Variants in FGFR2 observed in about 807,000 individuals in gnomAD.
The protein encoded by FGFR2 is fibroblast growth factor receptor 2, also known as BEK fibroblast growth factor receptor.
FGFR2 carries 19 observed loss-of-function variants against 95.9 expected under a neutral mutation model. The observed-to-expected ratio is 0.20, with a 90% confidence interval of 0.14 to 0.29. FGFR2 has a LOEUF of 0.29. FGFR2 is among the 10% of genes least tolerant of loss of function. FGFR2 has a pLI of 1.00. For missense variants in FGFR2, 707 were observed against 1,056.9 expected (o/e 0.67, Z 4.59); for synonymous variants, 392 against 393.3 (o/e 1.00, Z 0.04).
Position 121,483,687 on chromosome 10 carries a change from G to A in FGFR2, c.2301+11C>T, listed in dbSNP as rs765951636. 3 of 1,600,078 alleles carry A rather than the reference G, an allele frequency of 1.9e-6. No individual in the cohort carries two copies. Among genetic ancestry groups the A allele is most frequent in the Non-Finnish European group, 2.6e-6 (3 of 1,167,858 alleles). ...ACCAAGGACAAGGGGCTTCTAGAAGGAAGTTCTTACCTCATTGGTTGTGAG... is the reference window on the plus strand; with the variant it reads ...ACCAAGGACAAGGGGCTTCTAGAAGAAAGTTCTTACCTCATTGGTTGTGAG... On this transcript the variant is annotated intron_variant, in intron 17 of 17. Transcript: ENST00000358487.
At chr10:121,502,697 C>T (rs1363269966) in intron 10 of FGFR2, among the ~76,000 whole-genome samples, 1 of 152,176 alleles carries the variant, frequency 6.6e-6, no homozygotes, top group Non-Finnish European at 1.5e-5. Context: ...TCAAGGCAAA[C>T]AGGGTAGCTG....
chr10:121,511,566 G>A (rs897979229), intron 9 of FGFR2, among the ~76,000 whole-genome samples: 25 of 152,170 alleles, frequency 1.6e-4, no homozygotes, highest in Admixed American at 3.3e-4. Context: ...GAACCAACAC[G>A]CTCACAAAGA....
In FGFR2 at chr10:121,526,959, G is replaced by A. The variant is rs545821688; in HGVS notation, c.749-6790C>T. On this transcript the variant is annotated intron_variant, in intron 6 of 17. Transcript: ENST00000358487. Reference sequence around the variant, plus strand: ...TCTTTGCAGAGAGAGTGAAGTCTGCGGAACAAACTTGTTTGGGTAAAAATG... The same window carrying A: ...TCTTTGCAGAGAGAGTGAAGTCTGCAGAACAAACTTGTTTGGGTAAAAATG... The A allele has an allele frequency of 1.5e-4, 58 of 389,942 alleles. 1 individual carries two copies. Among genetic ancestry groups the A allele is most frequent in the African/African-American group, 1.4e-4 (7 of 48,618 alleles). 24.2% of individuals were successfully genotyped at this position (389,942 alleles called of 1,614,324 possible).
At chr10:121,540,300 G>A (rs769565003) in intron 5 of FGFR2, among the ~76,000 whole-genome samples, 4 of 152,164 alleles carry the variant, frequency 2.6e-5, no homozygotes, top group Non-Finnish European at 5.9e-5. Context: ...GCATCTGATC[G>A]ACAGTGGAGA....
Position 121,549,663 on chromosome 10 carries a change from T to G in FGFR2, c.624+1627A>C, listed in dbSNP as rs549483846. On this transcript the variant is annotated intron_variant, in intron 5 of 17. Coordinates refer to ENST00000358487, the MANE Select transcript of FGFR2 (RefSeq NM_000141.5). The stretch of plus-strand genomic sequence containing the variant: ...CTGGCTCCTCCTTTGCTCAACCTGA[T>G]GACAGCAGCTGCCCTATGAAGAGGC... Among the ~76,000 whole-genome samples the G allele has an allele frequency of 2.0e-5, 3 of 152,294 alleles. No individual in the cohort carries two copies. In the East Asian group the frequency reaches 5.8e-4, roughly 29 times the overall value.
intron 13 of FGFR2, among the ~76,000 whole-genome samples, chr10:121,489,206 G>A (rs1056551902): frequency 6.6e-6 from 1 of 152,096 alleles, no homozygotes; most frequent in Non-Finnish European, 1.5e-5. Flanking sequence ...CCGAGTAGCT[G>A]AGACTACAGG....
intron 4 of FGFR2, among the ~76,000 whole-genome samples, chr10:121,562,465 A>G (rs117490898): frequency 0.014 from 2,179 of 152,146 alleles, 61 homozygotes; most frequent in East Asian, 0.072. Flanking sequence ...ATGTATTTTT[A>G]GCAGAGACAG....
chr10:121,519,400 G>T (rs2981451), intron 7 of FGFR2, among the ~76,000 whole-genome samples: 55,643 of 152,068 alleles, frequency 0.37, 11,642 homozygotes, highest in Middle Eastern at 0.52. Context: ...CACTGGTGCA[G>T]AAATATGACC....
At chr10:121,588,471 G>A (rs1289452918) in intron 2 of FGFR2, among the ~76,000 whole-genome samples, 1 of 152,114 alleles carries the variant, frequency 6.6e-6, no homozygotes, top group African/African-American at 2.4e-5. Context: ...GGCAAGTCAG[G>A]GAGGAAGATG....
At chr10:121,510,592 G>A (rs781010075) in intron 9 of FGFR2, among the ~76,000 whole-genome samples, 1 of 151,938 alleles carries the variant, frequency 6.6e-6, no homozygotes, top group Admixed American at 6.6e-5. Flanking sequence ...CCCCCTTCCC[G>A]GAATTTGGCA....
At chr10:121,566,526 C>T (rs1857696487) in intron 2 of FGFR2, among the ~76,000 whole-genome samples, 2 of 152,280 alleles carry the variant, frequency 1.3e-5, no homozygotes, top group South Asian at 2.1e-4. Context: ...ATGTCCCAGG[C>T]TTCTTCTGTA....
chr10:121,483,908 C>T (rs1845083423), intron 16 of FGFR2, 105 bp from the exon 17 acceptor site: 12 of 814,524 alleles, frequency 1.5e-5, no homozygotes, highest in Non-Finnish European at 2.5e-5. Context: ...TAGGAAAATG[C>T]ATCAGAACCT....
intron 6 of FGFR2, among the ~76,000 whole-genome samples, chr10:121,537,737 G>A (rs1853066123): frequency 2.0e-5 from 3 of 152,124 alleles, no homozygotes. Context: ...GGCTCAAGGT[G>A]GCAGGTTGAA....
At chr10:121,509,718 G>A (rs1848808365) in intron 9 of FGFR2, among the ~76,000 whole-genome samples, 1 of 151,712 alleles carries the variant, frequency 6.6e-6, no homozygotes, top group South Asian at 2.1e-4. Flanking sequence ...CCTGACCTCA[G>A]GTGATCCACC....
At chr10:121,589,741 A>G (rs1031492061) in intron 2 of FGFR2, among the ~76,000 whole-genome samples, 4 of 152,228 alleles carry the variant, frequency 2.6e-5, no homozygotes, top group African/African-American at 9.6e-5. Flanking sequence ...TGTGTACTTC[A>G]TTGTGTATTT....
At chr10:121,561,412 G>A (rs1482941405) in intron 4 of FGFR2, among the ~76,000 whole-genome samples, 2 of 120,794 alleles carry the variant, frequency 1.7e-5, no homozygotes, top group South Asian at 2.6e-4. Flanking sequence ...CAACAAGAGC[G>A]AAACTCCCAT....
At chr10:121,487,058 G>A (rs559557909) in intron 15 of FGFR2, among the ~76,000 whole-genome samples, 6 of 152,322 alleles carry the variant, frequency 3.9e-5, no homozygotes, top group African/African-American at 1.4e-4. Flanking sequence ...AGAGCTTGGC[G>A]AATTAGATAA....
chr10:121,483,813 A>G lies in FGFR2; in HGVS notation c.2196-10T>C. The G allele has an allele frequency of 6.2e-7, 1 of 1,604,394 alleles. No individual in the cohort carries two copies. Among genetic ancestry groups the G allele is most frequent in the Non-Finnish European group, 8.5e-7 (1 of 1,172,224 alleles). On this transcript the variant is annotated splice_polypyrimidine_tract_variant and intron_variant, in intron 16 of 17. Transcript: ENST00000358487. ...CCTCATCATCATGTACCTGGGAAAA[A>G]TGGATTTCCTTGAATTAATTTCATA...
At chr10:121,486,647 G>A (rs369450780) in intron 15 of FGFR2, among the ~76,000 whole-genome samples, 6 of 152,148 alleles carry the variant, frequency 3.9e-5, no homozygotes, top group Admixed American at 2.0e-4. Context: ...TCACCATGTT[G>A]GCCAGGATGG....
Sources: allele counts gnomAD v4.1 joint callset (sites outside exome capture counted in the v4.1 genomes callset), GRCh38; gene constraint gnomAD v4.1.1; transcripts MANE v1.5; gene names NCBI Gene and HGNC (gene_info 2026-07-23, HGNC 2026-07-21).